The following SYNPR variants were observed in gnomAD, a reference collection of about 807,000 sequenced individuals.
The protein encoded by SYNPR is synaptoporin.
SYNPR carries 23 observed loss-of-function variants against 32.9 expected under a neutral mutation model. The observed-to-expected ratio is 0.70, with a 90% CI of 0.50 to 0.99. The LOEUF (loss-of-function observed/expected upper bound fraction) is 0.99. Among genes scored for constraint, SYNPR ranks in the 50% least tolerant of loss-of-function variants. The probability of loss-of-function intolerance (pLI) is 0.00; values close to 1 mark genes in which losing one functional copy is unlikely to be tolerated. For missense variants in SYNPR, 318 were observed against 349.3 expected (o/e 0.91, Z 0.71); for synonymous variants, 146 against 135.9 (o/e 1.07, Z -0.52).
chr3:63,445,659 G>A, intron 2 of SYNPR: 3 of 581,996 alleles, frequency 5.2e-6, no homozygotes, highest in South Asian at 2.2e-5. Context: ...ACTCTATGAG[G>A]GCCATAACAT....
chr3:63,404,151 G>A (rs1399716745), intron 2 of SYNPR, among the ~76,000 whole-genome samples: 1 of 152,152 alleles, frequency 6.6e-6, no homozygotes, highest in Non-Finnish European at 1.5e-5. Context: ...GGTTTGTCCA[G>A]CTGTAGATGC....
the SYNPR span, among the ~76,000 whole-genome samples, chr3:63,206,993 C>T: frequency 3.9e-5 from 6 of 152,106 alleles, no homozygotes; most frequent in African/African-American, 4.8e-5. Flanking sequence ...ATGAAGTTGA[C>T]GTGCATGCAT....
intron 4 of SYNPR, among the ~76,000 whole-genome samples, chr3:63,606,488 G>GTGA (rs1251046262): frequency 7.3e-6 from 1 of 136,282 alleles, no homozygotes; most frequent in Non-Finnish European, 1.5e-5. Context: ...CTGGAGTGCA[G>GTGA]TGATGCAATC....
chr3:63,455,496 A>G (rs761979628), intron 2 of SYNPR, among the ~76,000 whole-genome samples: 31 of 151,988 alleles, frequency 2.0e-4, no homozygotes, highest in Non-Finnish European at 4.1e-4. Context: ...TCCCCCAACT[A>G]TGTTTGGAGT....
intron 5 of SYNPR, among the ~76,000 whole-genome samples, chr3:63,612,183 A>G (rs1700208226): frequency 6.6e-6 from 1 of 152,192 alleles, no homozygotes; most frequent in Admixed American, 6.5e-5. Context: ...ATAATTGTAC[A>G]ACAGACCTCA....
chr3:63,368,750 C>A lies in SYNPR; in HGVS notation c.84+90008C>A, dbSNP rs185646963. On this transcript the variant is annotated intron_variant, in intron 2 of 5. Coordinates refer to ENST00000478300, the MANE Select transcript of SYNPR (RefSeq NM_001130003.2). ...AGGAAAGATAGAATGAAAAAAATGGCCTTTGATTTTGGCTGAAGAAGTTTA... is the reference window on the plus strand; with the variant it reads ...AGGAAAGATAGAATGAAAAAAATGGACTTTGATTTTGGCTGAAGAAGTTTA... Among the ~76,000 whole-genome samples, 57 of 152,192 alleles carry A rather than the reference C, an allele frequency of 3.7e-4. No individual in the cohort carries two copies. The East Asian group carries it at 9.7e-3, about 26-fold the overall frequency.
At chr3:63,278,927 C>T (rs2086602351) in intron 2 of SYNPR, among the ~76,000 whole-genome samples, 185 bp downstream of exon 2, 1 of 152,200 alleles carries the variant, frequency 6.6e-6, no homozygotes, top group Non-Finnish European at 1.5e-5. Context: ...ATCGAGGCAC[C>T]CTGCTTGGAG....
intron 1 of SYNPR, among the ~76,000 whole-genome samples, chr3:63,238,059 G>C (rs2086212639): frequency 6.6e-6 from 1 of 152,126 alleles, no homozygotes; most frequent in African/African-American, 2.4e-5. Context: ...GCTTTATCTT[G>C]TTAGGTCAGG....
At chr3:63,366,198 A>T (rs956488648) in intron 2 of SYNPR, among the ~76,000 whole-genome samples, 1 of 152,210 alleles carries the variant, frequency 6.6e-6, no homozygotes, top group Non-Finnish European at 1.5e-5. Context: ...ACTGAATTCA[A>T]GTAGAATCTA....
chr3:63,250,520 G>A (rs1438308213), intron 1 of SYNPR, among the ~76,000 whole-genome samples: 3 of 152,046 alleles, frequency 2.0e-5, no homozygotes, highest in Non-Finnish European at 4.4e-5. Flanking sequence ...GAGCTCTTAC[G>A]AGTCCCAGTT....
intron 4 of SYNPR, among the ~76,000 whole-genome samples, chr3:63,588,189 C>T (rs971070049): frequency 6.6e-5 from 10 of 151,950 alleles, no homozygotes; most frequent in Non-Finnish European, 8.8e-5. Context: ...TCAATACATA[C>T]GTCTTGGAAT....
chr3:63,235,057 T>G (rs2086191189), intron 1 of SYNPR, among the ~76,000 whole-genome samples: 1 of 152,198 alleles, frequency 6.6e-6, no homozygotes, highest in Non-Finnish European at 1.5e-5. Flanking sequence ...CTTATCAAGA[T>G]TTTCCCTGTT....
At chr3:63,248,638 G>A (rs1467107771) in intron 1 of SYNPR, among the ~76,000 whole-genome samples, 3 of 152,114 alleles carry the variant, frequency 2.0e-5, no homozygotes, top group Non-Finnish European at 4.4e-5. Context: ...GCTTCTCTTT[G>A]TGGAGTTCTA....
At chr3:63,307,908 C>T (rs1315119513) in intron 2 of SYNPR, among the ~76,000 whole-genome samples, 3 of 151,980 alleles carry the variant, frequency 2.0e-5, no homozygotes, top group East Asian at 1.9e-4. Context: ...TGATATCAGA[C>T]TTGAGAAGAA....
In SYNPR at chr3:63,281,905, A is replaced by G. The variant is rs138772910; in HGVS notation, c.84+3163A>G. ...TGCCATCAAAAAGAATGAATTAGCCAGGGATGGTGGCTCATGCCTATAATC... is the reference window on the plus strand; with the variant it reads ...TGCCATCAAAAAGAATGAATTAGCCGGGGATGGTGGCTCATGCCTATAATC... On this transcript the variant is annotated intron_variant, in intron 2 of 5. Coordinates refer to ENST00000478300, the MANE Select transcript of SYNPR (RefSeq NM_001130003.2). 2.3e-3 allele frequency among the ~76,000 whole-genome samples: 354 copies of G among 152,362 alleles called. 10 individuals carry two copies. The East Asian group carries it at 0.054, about 23-fold the overall frequency.
intron 2 of SYNPR, among the ~76,000 whole-genome samples, chr3:63,456,243 A>C (rs1700479087): frequency 6.6e-6 from 1 of 152,138 alleles, no homozygotes; most frequent in Non-Finnish European, 1.5e-5. Context: ...CAGCCAAATC[A>C]TATCACCTCC....
intron 3 of SYNPR, among the ~76,000 whole-genome samples, chr3:63,548,737 T>C (rs951822183): frequency 6.6e-6 from 1 of 152,140 alleles, no homozygotes; most frequent in Non-Finnish European, 1.5e-5. Flanking sequence ...TGCCCTCTGA[T>C]CTTGAATTCC....
At chr3:63,526,416 A>T (rs1475923312) in intron 3 of SYNPR, among the ~76,000 whole-genome samples, 1 of 152,178 alleles carries the variant, frequency 6.6e-6, no homozygotes, top group Non-Finnish European at 1.5e-5. Context: ...ACCAAAGAGA[A>T]CTGGGATCAT....
At chr3:63,357,869 ACATCTC>A (rs1269849275) in intron 2 of SYNPR, among the ~76,000 whole-genome samples, 1 of 152,334 alleles carries the variant, frequency 6.6e-6, no homozygotes, top group East Asian at 1.9e-4. Context: ...TGGCAACCTG[ACATCTC>A]CATTCACTTT....
Sources: gnomAD v4.1 joint callset for allele counts (sites outside exome capture counted in the v4.1 genomes callset) on GRCh38, gnomAD v4.1.1 for gene constraint, MANE v1.5 for transcripts, NCBI Gene and HGNC (gene_info 2026-07-23, HGNC 2026-07-21) for gene names.